Variants in CYFIP1 observed in about 807,000 individuals in gnomAD.
CYFIP1 encodes the protein cytoplasmic FMR1-interacting protein 1.
Under a neutral mutation model 163.5 loss-of-function variants are expected in CYFIP1, and 58 were observed. The observed-to-expected ratio is 0.35, with a 90% CI of 0.29 to 0.44. The LOEUF is 0.44. Among genes scored for constraint, CYFIP1 ranks in the 20% least tolerant of loss-of-function variants. The probability of loss-of-function intolerance (pLI) is 1.00; values close to 1 mark genes in which losing one functional copy is unlikely to be tolerated. For missense variants in CYFIP1, 1,338 were observed against 1,653.8 expected (o/e 0.81, Z 3.31); for synonymous variants, 663 against 660.7 (o/e 1.00, Z -0.05).
intron 1 of CYFIP1, among the ~76,000 whole-genome samples, chr15:22,961,635 C>G (rs186477129): frequency 1.3e-5 from 2 of 152,278 alleles, no homozygotes; most frequent in East Asian, 3.9e-4. Flanking sequence ...CAGCCTCAGC[C>G]TCCCAAAGAT....
At chr15:22,965,365 A>G (rs1407019702) in intron 1 of CYFIP1, among the ~76,000 whole-genome samples, 1 of 152,210 alleles carries the variant, frequency 6.6e-6, no homozygotes, top group African/African-American at 2.4e-5. Flanking sequence ...AGGCTGAGGC[A>G]GGAGAATTGC....
chr15:22,925,993 C>T lies in CYFIP1; in HGVS notation c.1348G>A (p.Ala450Thr). ...CCGAGCATCCTCACCTCCACTAGGGCAAACTTCTCCTCGCTGGTGTAGTTG... is the reference window on the plus strand; with the variant it reads ...CCGAGCATCCTCACCTCCACTAGGGTAAACTTCTCCTCGCTGGTGTAGTTG... ...RYNYTSEEKF[A>T]LVEVIAMIKG... The change falls in exon 13 of 31, where the codon GCC (alanine) becomes ACC (threonine). Residue 450 changes from alanine to threonine, a missense_variant. Around this residue, in one of 4 missense-constraint regions of CYFIP1, gnomAD observed 824 missense variants for 995.7 expected, o/e 0.83. Coordinates refer to ENST00000617928, the MANE Select transcript of CYFIP1 (RefSeq NM_014608.6). The T allele has an allele frequency of 6.2e-7, 1 of 1,613,776 alleles. No individual in the cohort carries two copies. Among genetic ancestry groups the T allele is most frequent in the South Asian group, 1.1e-5 (1 of 91,040 alleles).
intron 1 of CYFIP1, among the ~76,000 whole-genome samples, chr15:22,956,354 T>C (rs1464053312): frequency 6.6e-6 from 1 of 151,728 alleles, no homozygotes; most frequent in Admixed American, 6.6e-5. Context: ...AACTCAACAG[T>C]CTTGAAAATG....
At chr15:22,919,214 T>C (rs2061098740) in intron 13 of CYFIP1, among the ~76,000 whole-genome samples, 1 of 152,176 alleles carries the variant, frequency 6.6e-6, no homozygotes, top group South Asian at 2.1e-4. Context: ...TACAAGAGGT[T>C]GTAGTCCAAA....
rs1195078760 is a variant in CYFIP1, at chr15:22,869,742, C to T, written c.*286G>A. 3 of 269,418 alleles carry T rather than the reference C, an allele frequency of 1.1e-5. No individual in the cohort carries two copies. Among genetic ancestry groups the T allele is most frequent in the Non-Finnish European group, 2.1e-5 (3 of 145,630 alleles). The allele number at this position is 269,418 out of a possible 1,614,324, so 16.7% of individuals were successfully genotyped here. On this transcript the variant is annotated 3_prime_UTR_variant, in exon 31 of 31. Coordinates refer to ENST00000617928, the MANE Select transcript of CYFIP1 (RefSeq NM_014608.6). ...TTATGGAATGAATGAATGAACCCAG[C>T]AGCATTTTATGACACAGCTGCCAGA...
chr15:22,878,800 T>C (rs1453309582), intron 26 of CYFIP1, among the ~76,000 whole-genome samples: 1 of 151,100 alleles, frequency 6.6e-6, no homozygotes, highest in Non-Finnish European at 1.5e-5. Flanking sequence ...ATTTACGATA[T>C]GTGCAGCACA....
In CYFIP1 at chr15:22,927,892, G is replaced by A; in HGVS notation, c.1233+14C>T. ...CAGCTTTGGAGCGGGGCTGGGGTCG[G>A]GGACGGGGCCTACCACTTCCATCAC... On this transcript the variant is annotated intron_variant, in intron 12 of 30. Transcript: ENST00000617928. 2 of 1,592,334 alleles carry A rather than the reference G, an allele frequency of 1.3e-6. No individual in the cohort carries two copies. Among genetic ancestry groups the A allele is most frequent in the South Asian group, 1.1e-5 (1 of 87,854 alleles).
intron 10 of CYFIP1, 51 bp downstream of exon 10, chr15:22,933,751 A>G (rs1469339225): frequency 3.7e-6 from 5 of 1,352,976 alleles, no homozygotes; most frequent in Admixed American, 1.9e-5. Context: ...AAAACCGCAC[A>G]ATGAGGACAC....
Position 22,903,658 on chromosome 15 carries a change from G to C in CYFIP1, c.2588+48C>G, listed in dbSNP as rs750691668. 5.6e-6 allele frequency: 9 copies of C among 1,597,280 alleles called. No individual in the cohort carries two copies. The Admixed American group carries it at 1.0e-4, about 18-fold the overall frequency. On this transcript the variant is annotated intron_variant, in intron 22 of 30. Transcript: ENST00000617928. ...ATGGAGGAAGCCTGCGGGGACATGG[G>C]TCCCTGAGCGCCTCGCCTGTGGGCG...
At chr15:22,933,914 A>C in intron 9 of CYFIP1, 21 bp from the exon 10 acceptor site, 1 of 1,556,380 alleles carries the variant, frequency 6.4e-7, no homozygotes, top group Non-Finnish European at 8.8e-7. Context: ...AGAACAAAAA[A>C]ATAGAGTCAT....
At chr15:22,976,748 T>C in intron 1 of CYFIP1, among the ~76,000 whole-genome samples, 1 of 152,202 alleles carries the variant, frequency 6.6e-6, no homozygotes, top group East Asian at 1.9e-4. Flanking sequence ...AAAACCACAG[T>C]ACACGGAGGG....
intron 1 of CYFIP1, among the ~76,000 whole-genome samples, chr15:22,975,287 A>G (rs1322037047): frequency 2.0e-5 from 3 of 152,038 alleles, no homozygotes; most frequent in African/African-American, 7.2e-5. Context: ...CCTGGCCAAC[A>G]TGGTGAAATC....
At position 22,933,875 on chromosome 15, in the gene CYFIP1, G is replaced by GTGGAA; in HGVS notation, c.918_919insTTCCA (p.Leu307PhefsTer9). On this transcript the variant is annotated frameshift_variant, in exon 10 of 31. Coordinates refer to ENST00000617928, the MANE Select transcript of CYFIP1 (RefSeq NM_014608.6). LOFTEE classifies it high-confidence loss of function. ...AGTTCTATTTGCATGTCCCCAAATAGCGGAACCACCTGGAGTTGCTGTATT... is the reference window on the plus strand; with the variant it reads ...AGTTCTATTTGCATGTCCCCAAATAGTGGAACGGAACCACCTGGAGTTGCTGTATT... 1 of 1,612,504 alleles carries GTGGAA rather than the reference G, an allele frequency of 6.2e-7. No individual in the cohort carries two copies. Among genetic ancestry groups the GTGGAA allele is most frequent in the South Asian group, 1.1e-5 (1 of 90,864 alleles).
At chr15:22,973,385 C>T (rs929964389) in intron 1 of CYFIP1, among the ~76,000 whole-genome samples, 9 of 124,250 alleles carry the variant, frequency 7.2e-5, no homozygotes, top group African/African-American at 2.4e-4. Flanking sequence ...TTTTTCTACC[C>T]GTTCTTCACT....
In CYFIP1 at chr15:22,885,195, C is replaced by A. The variant is rs118076465; in HGVS notation, c.2677-2184G>T. 9.1e-3 allele frequency among the ~76,000 whole-genome samples: 1,379 copies of A among 152,312 alleles called. 16 individuals carry two copies. Among genetic ancestry groups the A allele is most frequent in the Non-Finnish European group, 0.011 (781 of 68,024 alleles). ...GGGTTTTTCTTTTCCATCACATCCT[C>A]AGGCTGCAAATTTTCCAAACTTTTA... On this transcript the variant is annotated intron_variant, in intron 23 of 30. Coordinates refer to ENST00000617928, the MANE Select transcript of CYFIP1 (RefSeq NM_014608.6).
At chr15:22,974,642 A>G (rs1350995745) in intron 1 of CYFIP1, among the ~76,000 whole-genome samples, 2 of 152,136 alleles carry the variant, frequency 1.3e-5, no homozygotes, top group Admixed American at 1.3e-4. Flanking sequence ...AGGCATGAGA[A>G]TCACTGGAAC....
intron 9 of CYFIP1, among the ~76,000 whole-genome samples, chr15:22,934,486 T>A (rs1485938059): frequency 2.3e-4 from 2 of 8,512 alleles, no homozygotes; most frequent in African/African-American, 7.5e-4. Flanking sequence ...CACCCAGCCC[T>A]TTTTTTTTTT....
chr15:22,921,243 C>T (rs2061165898), intron 13 of CYFIP1, among the ~76,000 whole-genome samples: 1 of 151,956 alleles, frequency 6.6e-6, no homozygotes, highest in South Asian at 2.1e-4. Flanking sequence ...TGGTGCACAC[C>T]TGTAGTCCCA....
chr15:22,927,893 G>T lies in CYFIP1; in HGVS notation c.1233+13C>A. ...AGCTTTGGAGCGGGGCTGGGGTCGGGGACGGGGCCTACCACTTCCATCACG... is the reference window on the plus strand; with the variant it reads ...AGCTTTGGAGCGGGGCTGGGGTCGGTGACGGGGCCTACCACTTCCATCACG... On this transcript the variant is annotated intron_variant, in intron 12 of 30. Transcript: ENST00000617928. The T allele has an allele frequency of 6.3e-7, 1 of 1,595,554 alleles. No homozygotes were observed. The highest frequency in any genetic ancestry group is 8.5e-7 in the Non-Finnish European group (1 of 1,174,742).
Sources: allele counts gnomAD v4.1 joint callset (sites outside exome capture counted in the v4.1 genomes callset), GRCh38; gene constraint gnomAD v4.1.1; regional missense constraint gnomAD v4.1.1; transcripts MANE v1.5; gene names NCBI Gene and HGNC (gene_info 2026-07-23, HGNC 2026-07-21).